The following ZAN variants were observed in gnomAD, a reference collection of about 807,000 sequenced individuals.
The protein encoded by ZAN is zonadhesin (gene/pseudogene).
In ZAN, 260 loss-of-function variants were observed where a neutral mutation model predicts 286.2. That is an observed-to-expected ratio of 0.91 (90% CI 0.82 to 1.01). The LOEUF is 1.01. Ranked by LOEUF, ZAN falls within the 50% of genes least tolerant of loss-of-function variation. The probability of loss-of-function intolerance (pLI) is 0.00; values close to 1 mark genes in which losing one functional copy is unlikely to be tolerated. For missense variants in ZAN, 3,410 were observed against 3,639.2 expected (o/e 0.94, Z 1.62); for synonymous variants, 1,368 against 1,417.5 (o/e 0.97, Z 0.79).
In ZAN at chr7:100,745,415, T is replaced by C. The variant is rs181910551; in HGVS notation, c.767-1123T>C. 4.6e-5 allele frequency among the ~76,000 whole-genome samples: 7 copies of C among 151,812 alleles called. No individual in the cohort carries two copies. The East Asian group carries it at 1.4e-3, about 29-fold the overall frequency. ...GCGCTCCCCACGAGTGGCAGCCGCT[T>C]ACATTTTCTTTTTCGCTACCAGTTG... On this transcript the variant is annotated intron_variant, in intron 7 of 47. Coordinates refer to ENST00000613979, the MANE Select transcript of ZAN (RefSeq NM_003386.3).
Position 100,751,274 on chromosome 7 carries a change from C to G in ZAN, c.1606+8C>G. On this transcript the variant is annotated splice_region_variant and intron_variant, in intron 13 of 47. Transcript: ENST00000613979. ...ATCCTGGGACTTGTCCAGGTAAGACCAAAGCCCAGGCTCCAGGAAGGGGGC... is the reference window on the plus strand; with the variant it reads ...ATCCTGGGACTTGTCCAGGTAAGACGAAAGCCCAGGCTCCAGGAAGGGGGC... The G allele has an allele frequency of 6.4e-7, 1 of 1,565,246 alleles. No individual in the cohort carries two copies. The highest frequency in any genetic ancestry group is 8.7e-7 in the Non-Finnish European group (1 of 1,155,748).
In ZAN at chr7:100,750,765, A is replaced by C; in HGVS notation, c.1390A>C (p.Met464Leu). 1 of 1,613,174 alleles carries C rather than the reference A, an allele frequency of 6.2e-7. No homozygotes were observed. Among genetic ancestry groups the C allele is most frequent in the Non-Finnish European group, 8.5e-7 (1 of 1,179,580 alleles). Reference protein sequence around the residue: ...YHMYGLGEGTMLELLLGSPAG... With the variant: ...YHMYGLGEGTLLELLLGSPAG... ...CATGTATGGCCTTGGGGAGGGTACT[A>C]TGCTCGAACTCCTCCTGGGAAGTCC... is the stretch of plus-strand genomic sequence containing the variant. The change falls in exon 12 of 48, where the codon ATG (methionine) becomes CTG (leucine). Residue 464 changes from methionine (M) to leucine (L), a missense_variant. Coordinates refer to ENST00000613979, the MANE Select transcript of ZAN (RefSeq NM_003386.3).
In ZAN at chr7:100,765,983, T is replaced by C. The variant is rs184441868; in HGVS notation, c.4470+429T>C. Among the ~76,000 whole-genome samples the C allele has an allele frequency of 4.8e-5, 7 of 146,702 alleles. 1 individual carries two copies. Among genetic ancestry groups the C allele is most frequent in the African/African-American group, 1.8e-4 (7 of 39,572 alleles). ...TTGTTTTTTGGTTTTTTGTTGTTGT[T>C]TTTGGTTTTTGTTTTTTTTTTGAGA... On this transcript the variant is annotated intron_variant, in intron 23 of 47. Transcript: ENST00000613979.
In ZAN at chr7:100,737,059, A is replaced by C. The variant is rs1280213461; in HGVS notation, c.504A>C (p.Ala168=). The change falls in exon 5 of 48, where the codon GCA becomes GCC. Residue 168 remains alanine (A), a synonymous_variant. Coordinates refer to ENST00000613979, the MANE Select transcript of ZAN (RefSeq NM_003386.3). ...TGCTCACCACCGTCACTGTGCCCGC[A>C]GGGTTCACCCTGCCCACCCGGGTAA... ...SWMLTTVTVP[A]GFTLPTRLMF... is the part of the protein sequence containing the mutation. 1 of 1,497,008 alleles carries C rather than the reference A, an allele frequency of 6.7e-7. No individual in the cohort carries two copies. The highest frequency in any genetic ancestry group is 9.1e-7 in the Non-Finnish European group (1 of 1,094,726). The allele number at this position is 1,497,008 out of a possible 1,614,324, so 92.7% of individuals were successfully genotyped here. A position where few individuals can be genotyped will look rare whatever the true frequency, so the allele number is the denominator to read the frequency against.
chr7:100,791,238 C>A, intron 40 of ZAN, 125 bp downstream of exon 40: 2 of 1,241,998 alleles, frequency 1.6e-6, no homozygotes, highest in Non-Finnish European at 2.2e-6. Flanking sequence ...AGGCCTGGAT[C>A]CTCCCAATTC....
chr7:100,769,124 C>T (rs767234713), intron 27 of ZAN, among the ~76,000 whole-genome samples: 3 of 152,024 alleles, frequency 2.0e-5, no homozygotes, highest in Non-Finnish European at 2.9e-5. Context: ...GACAGAGTCA[C>T]GCTCTGTCAC....
chr7:100,784,955 G>T, intron 36 of ZAN, 121 bp downstream of exon 36: 1 of 1,159,478 alleles, frequency 8.6e-7, no homozygotes, highest in Non-Finnish European at 1.2e-6. Flanking sequence ...GGGTGTGAAG[G>T]CTGGTGTGAG....
chr7:100,754,186 C>T (rs1475469526), intron 14 of ZAN, among the ~76,000 whole-genome samples: 2 of 151,926 alleles, frequency 1.3e-5, no homozygotes, highest in Non-Finnish European at 2.9e-5. Flanking sequence ...TGGCCAGGCA[C>T]GGTGGCTCAC....
intron 40 of ZAN, among the ~76,000 whole-genome samples, chr7:100,791,372 CTCCTCCTCT>C (rs1264407048): frequency 6.6e-6 from 1 of 151,856 alleles, no homozygotes; most frequent in Non-Finnish European, 1.5e-5. Flanking sequence ...TTCTTTCCTC[CTCCTCCTCT>C]TCCTCCTCCT....
intron 7 of ZAN, among the ~76,000 whole-genome samples, chr7:100,741,159 A>AC (rs1476624792): frequency 3.6e-5 from 1 of 27,562 alleles, no homozygotes; most frequent in African/African-American, 1.2e-4. Flanking sequence ...CGGGGGGCTG[A>AC]CCCCCCCACC....
rs367618984 is a variant in ZAN, at chr7:100,786,021, G to A, written c.6859G>A (p.Gly2287Ser). 57 of 1,613,750 alleles carry A rather than the reference G, an allele frequency of 3.5e-5. No individual in the cohort carries two copies. The highest frequency in any genetic ancestry group is 2.5e-4 in the Admixed American group (15 of 59,998). The change falls in exon 37 of 48, where the codon GGT becomes AGT. Residue 2287 changes from glycine (G) to serine (S), a missense_variant. Gly to Ser is a moderately conservative substitution (Grantham distance 56, BLOSUM62 0). Around this residue, in one of 7 missense-constraint regions of ZAN, gnomAD observed 1,289 missense variants for 1,314.3 expected, o/e 0.98. Transcript: ENST00000613979. The part of the protein sequence containing the change: ...IPLGKSWVSS[G>S]CTEKCVCTGG... Reference sequence around the variant, plus strand: ...GCTGGGCAAGAGCTGGGTCTCCAGCGGTTGCACGGAGAAGTGTGTCTGCAC... The same window carrying A: ...GCTGGGCAAGAGCTGGGTCTCCAGCAGTTGCACGGAGAAGTGTGTCTGCAC...
Position 100,752,577 on chromosome 7 carries a change from C to G in ZAN, c.2472C>G (p.Leu824=). The G allele has an allele frequency of 6.2e-7, 1 of 1,613,222 alleles. No individual in the cohort carries two copies. ...GCATCCCCATGGAAAAACCCACTCT[C>G]CCCACTGAAGAAACCACCACCTCTG... ...KPSIPMEKPT[L]PTEETTTSVE... Residue 824 remains leucine, a synonymous_variant, in exon 14 of 48, where the codon CTC becomes CTG. Coordinates refer to ENST00000613979, the MANE Select transcript of ZAN (RefSeq NM_003386.3).
intron 16 of ZAN, 75 bp downstream of exon 16, chr7:100,758,418 C>T (rs561038295): frequency 1.5e-4 from 235 of 1,589,270 alleles, no homozygotes; most frequent in Middle Eastern, 3.5e-4. Flanking sequence ...CCCAATCCCT[C>T]GCTTGAGCAG....
chr7:100,794,284 C>T (rs780165857), intron 44 of ZAN, 26 bp downstream of exon 44: 5 of 1,570,484 alleles, frequency 3.2e-6, no homozygotes, highest in Non-Finnish European at 3.5e-6. Context: ...TGCCCGGTTC[C>T]AAGCTGCCCC....
rs1807318895 is a variant in ZAN at position 100,736,684 on chromosome 7, G to T, written c.253+55G>T. ...GAGCAGGGAGGTGGCTGGGAGGCGG[G>T]AGTGGCTAGATGGAGAGAGAAGGGA... On this transcript the variant is annotated intron_variant, in intron 4 of 47. Transcript: ENST00000613979. The T allele has an allele frequency of 2.7e-6, 4 of 1,506,964 alleles. 1 individual carries two copies. Among genetic ancestry groups the T allele is most frequent in the Non-Finnish European group, 3.6e-6 (4 of 1,100,980 alleles). 93.3% of individuals were successfully genotyped at this position (1,506,964 alleles called of 1,614,324 possible).
At chr7:100,773,646 C>T in intron 30 of ZAN, 75 bp from the exon 31 acceptor site, 1 of 1,558,364 alleles carries the variant, frequency 6.4e-7, no homozygotes, top group African/African-American at 1.4e-5. Context: ...ATGCTGCACC[C>T]AGCTTCAACT....
intron 7 of ZAN, among the ~76,000 whole-genome samples, chr7:100,745,752 C>T (rs1041169956): frequency 6.6e-6 from 1 of 150,540 alleles, no homozygotes; most frequent in Admixed American, 6.6e-5. Flanking sequence ...TGGGCGGACT[C>T]CAGGTCCGCA....
rs557024444 is a variant in ZAN at position 100,793,594 on chromosome 7, C to T, written c.7788-226C>T. Among the ~76,000 whole-genome samples, 10 of 152,110 alleles carry T rather than the reference C, an allele frequency of 6.6e-5. No individual in the cohort carries two copies. In the South Asian group the frequency reaches 8.3e-4, roughly 13 times the overall value. ...CTGGTATTACAGGTGCCCGCCACCA[C>T]GCCCGGCTCATTTTTGTATTTTTAG... On this transcript the variant is annotated intron_variant, in intron 42 of 47. Coordinates refer to ENST00000613979, the MANE Select transcript of ZAN (RefSeq NM_003386.3).
intron 7 of ZAN, among the ~76,000 whole-genome samples, chr7:100,745,869 G>A (rs1019828259): frequency 1.6e-4 from 24 of 151,774 alleles, no homozygotes; most frequent in African/African-American, 5.8e-4. Flanking sequence ...ACCATACCTT[G>A]TCTCAAAAAA....
Sources: gnomAD v4.1 joint callset for allele counts (sites outside exome capture counted in the v4.1 genomes callset) on GRCh38, gnomAD v4.1.1 for gene constraint, gnomAD v4.1.1 regional missense constraint, MANE v1.5 for transcripts, NCBI Gene and HGNC (gene_info 2026-07-23, HGNC 2026-07-21) for gene names.